TTC12: variants seen among roughly 807,000 people sequenced by gnomAD.
TTC12 encodes tetratricopeptide repeat domain 12.
TTC12 carries 70 observed loss-of-function variants against 90.1 expected under a neutral mutation model. The observed-to-expected ratio is 0.78, with a 90% CI of 0.64 to 0.95. The LOEUF (loss-of-function observed/expected upper bound fraction) is 0.95, where lower values mean the gene tolerates loss of function less well. TTC12 is among the 40% of genes least tolerant of loss of function. The pLI, the probability that TTC12 is intolerant of heterozygous loss-of-function variation, is 0.00. For missense variants in TTC12, 819 were observed against 846.1 expected (o/e 0.97, Z 0.40); for synonymous variants, 296 against 311.5 (o/e 0.95, Z 0.53).
intron 8 of TTC12, 29 bp from the exon 9 acceptor site, chr11:113,338,745 C>T (rs1555144862): frequency 1.3e-6 from 2 of 1,588,950 alleles, no homozygotes; most frequent in Non-Finnish European, 8.6e-7. Flanking sequence ...ACCCCAACCA[C>T]TCTTCAAGGT....
chr11:113,372,427 C>T (rs905684131), intron 21 of TTC12, among the ~76,000 whole-genome samples: 1 of 152,194 alleles, frequency 6.6e-6, no homozygotes, highest in Non-Finnish European at 1.5e-5. Flanking sequence ...CTTCTCACAA[C>T]TGTCTACAAG....
At chr11:113,369,854 C>T (rs1414853143), downstream of TTC12, among the ~76,000 whole-genome samples, 1 of 152,182 alleles carries the variant, frequency 6.6e-6, no homozygotes, top group African/African-American at 2.4e-5. Context: ...ACAGAAATGA[C>T]CATGAGCCCA....
rs373035927 is a variant in TTC12 at position 113,316,320 on chromosome 11, G to C, written c.58+5G>C. 2 of 1,374,684 alleles carry C rather than the reference G, an allele frequency of 1.5e-6. No homozygotes were observed. Among genetic ancestry groups the C allele is most frequent in the Non-Finnish European group, 9.7e-7 (1 of 1,028,772 alleles). The allele number at this position is 1,374,684 out of a possible 1,614,324, so 85.2% of individuals were successfully genotyped here. On this transcript the variant is annotated splice_donor_5th_base_variant and intron_variant, in intron 2 of 21. Transcript: ENST00000529221. ...TTAAAAATGTGGATGAAATCTGTAAGTACTAGTAAATCATAAATTAATTTC... is the reference window on the plus strand; with the variant it reads ...TTAAAAATGTGGATGAAATCTGTAACTACTAGTAAATCATAAATTAATTTC...
intron 15 of TTC12, 72 bp from the exon 16 acceptor site, chr11:113,351,998 G>T: frequency 6.5e-7 from 1 of 1,542,998 alleles, no homozygotes; most frequent in Non-Finnish European, 8.7e-7. Flanking sequence ...GTGAGTGAGG[G>T]ATGCACCTAG....
chr11:113,334,877 G>T (rs113759490), intron 7 of TTC12, 89 bp from the exon 8 acceptor site: 69 of 1,053,188 alleles, frequency 6.6e-5, no homozygotes, highest in Non-Finnish European at 9.4e-5. Flanking sequence ...TCAAAGTTTC[G>T]CCTTAACTCT....
intron 11 of TTC12, 114 bp downstream of exon 11, chr11:113,340,847 A>G (rs782332203): frequency 2.3e-6 from 2 of 861,720 alleles, no homozygotes; most frequent in Non-Finnish European, 3.8e-6. Context: ...ACCCCCCTTC[A>G]GTCAGTAGTG....
intron 2 of TTC12, among the ~76,000 whole-genome samples, chr11:113,322,077 T>C (rs1162032998): frequency 6.6e-6 from 1 of 152,206 alleles, no homozygotes; most frequent in Non-Finnish European, 1.5e-5. Flanking sequence ...AAAGATACCA[T>C]CAACTTATAA....
At position 113,329,972 on chromosome 11, in the gene TTC12, C is replaced by T; in HGVS notation, c.497C>T (p.Ala166Val). The T allele has an allele frequency of 1.2e-6, 2 of 1,612,834 alleles. No individual in the cohort carries two copies. Among genetic ancestry groups the T allele is most frequent in the Non-Finnish European group, 1.7e-6 (2 of 1,178,826 alleles). ...AAGGCACTGGTGGATTGTGAGTGGG[C>T]TCTCAAGGTAAGAGGGTATTTCTTT... ...YEKALVDCEW[A>V]LKCDEKCTKA... Residue 166 changes from alanine (A) to valine (V), a missense_variant, in exon 7 of 22, where the codon GCT (alanine) becomes GTT (valine). Ala to Val is a moderately conservative substitution (Grantham distance 64, BLOSUM62 0). Coordinates refer to ENST00000529221, the MANE Select transcript of TTC12 (RefSeq NM_017868.4).
chr11:113,316,805 GTCCTTTCC>G (rs1946967360), intron 2 of TTC12, among the ~76,000 whole-genome samples: 1 of 152,240 alleles, frequency 6.6e-6, no homozygotes, highest in Non-Finnish European at 1.5e-5. Context: ...AGACAAGAAA[GTCCTTTCC>G]CAAGTTCAGG....
chr11:113,371,657 G>A (rs1395772595), intron 21 of TTC12: 1 of 152,206 alleles, frequency 6.6e-6, no homozygotes, highest in Non-Finnish European at 1.5e-5. Context: ...TAATGGTCCA[G>A]AGTGGGGTAG....
chr11:113,350,337 C>G (rs553857818), intron 14 of TTC12, among the ~76,000 whole-genome samples, 172 bp downstream of exon 14: 347 of 152,268 alleles, frequency 2.3e-3, no homozygotes, highest in African/African-American at 7.9e-3. Flanking sequence ...CCACCCACTC[C>G]CATTCTAGTC....
intron 20 of TTC12, 104 bp downstream of exon 20, chr11:113,364,031 T>G (rs1335131061): frequency 1.4e-6 from 1 of 726,786 alleles, no homozygotes; most frequent in Non-Finnish European, 2.3e-6. Context: ...GCAATGCTGT[T>G]AACCTCTCCC....
intron 2 of TTC12, among the ~76,000 whole-genome samples, chr11:113,322,944 C>CA (rs1947431404): frequency 6.6e-6 from 1 of 151,894 alleles, no homozygotes; most frequent in South Asian, 2.1e-4. Flanking sequence ...ATAAACTCTT[C>CA]AAAAAAGGAT....
intron 19 of TTC12, among the ~76,000 whole-genome samples, chr11:113,363,282 A>G (rs565087154): frequency 7.2e-5 from 11 of 152,318 alleles, no homozygotes; most frequent in African/African-American, 2.6e-4. Context: ...AAACCCACCA[A>G]AAGCTCCTGA....
intron 7 of TTC12, among the ~76,000 whole-genome samples, chr11:113,333,343 ACTAAGACTCAG>A (rs1402376272): frequency 3.3e-5 from 5 of 152,188 alleles, no homozygotes; most frequent in Admixed American, 1.3e-4. Context: ...TCTCTGTGTC[ACTAAGACTCAG>A]CCCAGATCCC....
intron 21 of TTC12, among the ~76,000 whole-genome samples, chr11:113,372,138 G>A (rs2186800): frequency 0.37 from 56,788 of 152,166 alleles, 13,237 homozygotes; most frequent in Non-Finnish European, 0.53. Flanking sequence ...AAGGAGGGCC[G>A]AGAGAATCTA....
chr11:113,324,643 C>G lies in TTC12; in HGVS notation c.283C>G (p.Arg95Gly). The stretch of plus-strand genomic sequence containing the variant: ...ATCTGTGGAGAAGGATGCAAAGGAA[C>G]GAGCCAAGAGAAGAAGGGAAAACAA... ...LASVEKDAKE[R>G]AKRRRENKVL... Residue 95 changes from arginine to glycine, a missense_variant, in exon 5 of 22, where the codon CGA (arginine) becomes GGA (glycine). Coordinates refer to ENST00000529221, the MANE Select transcript of TTC12 (RefSeq NM_017868.4). 1 of 1,613,894 alleles carries G rather than the reference C, an allele frequency of 6.2e-7. No individual in the cohort carries two copies. The highest frequency in any genetic ancestry group is 8.5e-7 in the Non-Finnish European group (1 of 1,179,920).
At chr11:113,318,072 C>T (rs1947058544) in intron 2 of TTC12, among the ~76,000 whole-genome samples, 1 of 152,168 alleles carries the variant, frequency 6.6e-6, no homozygotes, top group East Asian at 1.9e-4. Flanking sequence ...TATGTAGCCA[C>T]ATGTGTATAG....
Position 113,344,386 on chromosome 11 carries a change from T to C in TTC12, c.1100T>C (p.Leu367Pro). The change falls in exon 13 of 22, where the codon CTC (leucine) becomes CCC (proline). Residue 367 changes from leucine to proline, a missense_variant. Leu to Pro is a moderately conservative substitution (Grantham distance 98, BLOSUM62 -3). Transcript: ENST00000529221. The stretch of plus-strand genomic sequence containing the variant: ...CAGAGCTTTGCCCTGCTGCTGCATC[T>C]CGCCCAGACTGAGAGCGGACGGAGC... ...RQQSFALLLH[L>P]AQTESGRSLI... is the part of the protein sequence containing the mutation. The C allele has an allele frequency of 6.2e-7, 1 of 1,614,176 alleles. No individual in the cohort carries two copies. Among genetic ancestry groups the C allele is most frequent in the Non-Finnish European group, 8.5e-7 (1 of 1,180,020 alleles).
Sources: allele counts gnomAD v4.1 joint callset (sites outside exome capture counted in the v4.1 genomes callset), GRCh38; gene constraint gnomAD v4.1.1; transcripts MANE v1.5; gene names NCBI Gene and HGNC (gene_info 2026-07-23, HGNC 2026-07-21).